ARHGEF12: variants seen among roughly 807,000 people sequenced by gnomAD.
The protein encoded by ARHGEF12 is Rho guanine nucleotide exchange factor 12, also known as KMT2A/ARHGEF12 fusion protein.
In ARHGEF12, 66 loss-of-function variants were observed where a neutral mutation model predicts 211.2. That is an observed-to-expected ratio of 0.31 (90% confidence interval 0.26 to 0.38). The LOEUF (loss-of-function observed/expected upper bound fraction) is 0.38. Ranked by LOEUF, ARHGEF12 falls within the 10% of genes least tolerant of loss-of-function variation. The pLI is 1.00. For synonymous variants in ARHGEF12, 592 were observed against 638.4 expected (o/e 0.93, Z 1.09); for missense variants, 1,429 against 1,869.5 (o/e 0.76, Z 4.34).
At chr11:120,340,520 T>C (rs1483786569) in intron 1 of ARHGEF12, among the ~76,000 whole-genome samples, 1 of 152,194 alleles carries the variant, frequency 6.6e-6, no homozygotes, top group Non-Finnish European at 1.5e-5. Flanking sequence ...TGGAAACCTG[T>C]GACTTTATAT....
rs190744997 is a variant in ARHGEF12 at position 120,471,444 on chromosome 11, A to T, written c.2956-1606A>T. On this transcript the variant is annotated intron_variant, in intron 30 of 40. Coordinates refer to ENST00000397843, the MANE Select transcript of ARHGEF12 (RefSeq NM_015313.3). ...AGGAAAAACCAGAAAACTGGTTCCC[A>T]TTGGGGATGAGGAGGTAGAAATTAA... 3.3e-5 allele frequency among the ~76,000 whole-genome samples: 5 copies of T among 152,320 alleles called. No individual in the cohort carries two copies. The East Asian group carries it at 5.8e-4, about 18-fold the overall frequency.
At chr11:120,484,015 A>G (rs947587940) in intron 39 of ARHGEF12, among the ~76,000 whole-genome samples, 1 of 152,038 alleles carries the variant, frequency 6.6e-6, no homozygotes, top group African/African-American at 2.4e-5. Flanking sequence ...TCGGCCTCCC[A>G]AAGTGCTGGG....
chr11:120,428,151 G>T lies in ARHGEF12; in HGVS notation c.489G>T (p.Pro163=), dbSNP rs753718908. The T allele has an allele frequency of 6.2e-7, 1 of 1,611,318 alleles. No homozygotes were observed. Among genetic ancestry groups the T allele is most frequent in the South Asian group, 1.1e-5 (1 of 90,072 alleles). Residue 163 remains proline (P), a synonymous_variant, in exon 8 of 41, where the codon CCG becomes CCT. Transcript: ENST00000397843. ...QIPLADSEVE[P]SVIGHMSPIM... ...CACTTGCCGACTCTGAAGTAGAGCC[G>T]TCAGTCATTGGACATATGTCTCCCA...
intron 20 of ARHGEF12, chr11:120,448,693 T>A (rs1201425133): frequency 6.7e-6 from 2 of 297,648 alleles, no homozygotes; most frequent in Non-Finnish European, 1.2e-5. Context: ...TAGAGTATTC[T>A]GTCAGTTTGT....
At position 120,351,186 on chromosome 11, in the gene ARHGEF12, A is replaced by G. The variant is rs181683718; in HGVS notation, c.32+13911A>G. Among the ~76,000 whole-genome samples, 71 of 150,852 alleles carry G rather than the reference A, an allele frequency of 4.7e-4. No individual in the cohort carries two copies. In the East Asian group the frequency reaches 4.8e-3, roughly 10 times the overall value. Reference sequence around the variant, plus strand: ...AACACGGTGAAACCCCGTCTCTACTAAAAATACAAAAAAAATTACCTGGGT... The same window carrying G: ...AACACGGTGAAACCCCGTCTCTACTGAAAATACAAAAAAAATTACCTGGGT... On this transcript the variant is annotated intron_variant, in intron 1 of 40. Transcript: ENST00000397843.
At chr11:120,446,108 G>A (rs1802799780) in intron 16 of ARHGEF12, among the ~76,000 whole-genome samples, 1 of 151,738 alleles carries the variant, frequency 6.6e-6, no homozygotes, top group Admixed American at 6.6e-5. Context: ...TGAGGCAGGA[G>A]AATGGCATGA....
intron 15 of ARHGEF12, among the ~76,000 whole-genome samples, chr11:120,443,539 T>C (rs1945947986): frequency 1.3e-5 from 2 of 152,248 alleles, no homozygotes. Context: ...CTCCAACTCC[T>C]GCCCCGTTTT....
At chr11:120,482,506 G>T (rs1947276718) in intron 39 of ARHGEF12, among the ~76,000 whole-genome samples, 2 of 152,100 alleles carry the variant, frequency 1.3e-5, no homozygotes, top group African/African-American at 4.8e-5. Context: ...CAGCACTTTG[G>T]GAGGCAAGGC....
At chr11:120,453,359 G>C (rs2135858955) in intron 22 of ARHGEF12, among the ~76,000 whole-genome samples, 1 of 152,292 alleles carries the variant, frequency 6.6e-6, no homozygotes, top group South Asian at 2.1e-4. Context: ...AAAGAAAGTA[G>C]AGGAAGGGAA....
At chr11:120,350,491 G>A (rs1314496841) in intron 1 of ARHGEF12, among the ~76,000 whole-genome samples, 3 of 150,638 alleles carry the variant, frequency 2.0e-5, no homozygotes, top group Admixed American at 6.6e-5. Context: ...CTCCAGCCTG[G>A]GTGACAGAGC....
intron 13 of ARHGEF12, 113 bp from the exon 14 acceptor site, chr11:120,441,594 A>G (rs1025338922): frequency 1.4e-6 from 1 of 735,988 alleles, no homozygotes; most frequent in Non-Finnish European, 2.1e-6. Context: ...TAAATCTTGA[A>G]TTTTTTATAG....
rs2135887648 is a variant in ARHGEF12 at position 120,458,062 on chromosome 11, ACT to A, written c.2226-15_2226-14del. On this transcript the variant is annotated splice_polypyrimidine_tract_variant and intron_variant, in intron 24 of 40. Coordinates refer to ENST00000397843, the MANE Select transcript of ARHGEF12 (RefSeq NM_015313.3). ...CACCTAAAGTCTTCAAATTGAATTCACTCTTTTTTCTTCATAGGTTTGACAGT... is the reference window on the plus strand; with the variant it reads ...CACCTAAAGTCTTCAAATTGAATTCACTTTTTTCTTCATAGGTTTGACAGT... 1.3e-6 allele frequency: 2 copies of A among 1,594,932 alleles called. No homozygotes were observed. Among genetic ancestry groups the A allele is most frequent in the East Asian group, 4.5e-5 (2 of 44,644 alleles).
At chr11:120,367,353 CTTTTTTTTTTTTT>C (rs1025919456) in intron 1 of ARHGEF12, among the ~76,000 whole-genome samples, 50 of 59,352 alleles carry the variant, frequency 8.4e-4, no homozygotes, top group South Asian at 1.8e-3. Flanking sequence ...ATACTTTTTC[CTTTTTTTTTTTTT>C]TTTTTTTTTT....
At chr11:120,427,980 A>G (rs1191768774) in intron 7 of ARHGEF12, 89 bp from the exon 8 acceptor site, 9 of 1,123,384 alleles carry the variant, frequency 8.0e-6, no homozygotes, top group African/African-American at 1.6e-5. Flanking sequence ...TTTTAGAACT[A>G]TCGAAGATTA....
Position 120,476,892 on chromosome 11 carries a change from T to C in ARHGEF12, c.3365+144T>C, listed in dbSNP as rs532275246. 22 of 643,638 alleles carry C rather than the reference T, an allele frequency of 3.4e-5. No individual in the cohort carries two copies. The East Asian group carries it at 6.1e-4, about 18-fold the overall frequency. The allele number at this position is 643,638 out of a possible 1,614,324, so 39.9% of individuals were successfully genotyped here. On this transcript the variant is annotated intron_variant, in intron 34 of 40. Coordinates refer to ENST00000397843, the MANE Select transcript of ARHGEF12 (RefSeq NM_015313.3). The stretch of plus-strand genomic sequence containing the variant: ...CTTTTAGAGACGTTCTACTATGAAC[T>C]TGTTCTTTTTTAGGTTGATGCCTTT...
rs1946977749 is a variant in ARHGEF12, at chr11:120,474,694, A to G, written c.3109+59A>G. ...AGTGGCAAAAGGGAAGGAATAGGAAAGTTTCCTATGACAAAGGGAAGAGGA... is the reference window on the plus strand; with the variant it reads ...AGTGGCAAAAGGGAAGGAATAGGAAGGTTTCCTATGACAAAGGGAAGAGGA... On this transcript the variant is annotated intron_variant, in intron 32 of 40. Transcript: ENST00000397843. 2 of 1,370,382 alleles carry G rather than the reference A, an allele frequency of 1.5e-6. 1 individual carries two copies. Among genetic ancestry groups the G allele is most frequent in the Admixed American group, 4.3e-5 (2 of 46,548 alleles). 84.9% of individuals were successfully genotyped at this position (1,370,382 alleles called of 1,614,324 possible).
chr11:120,476,786 T>C (rs1414760782), intron 34 of ARHGEF12, 38 bp downstream of exon 34: 1 of 1,469,526 alleles, frequency 6.8e-7, no homozygotes, highest in South Asian at 1.2e-5. Context: ...ATAGCTAATA[T>C]TTTCATTATC....
In ARHGEF12 at chr11:120,465,154, G is replaced by A. The variant is rs1946662207; in HGVS notation, c.2614-83G>A. On this transcript the variant is annotated intron_variant, in intron 27 of 40. Coordinates refer to ENST00000397843, the MANE Select transcript of ARHGEF12 (RefSeq NM_015313.3). Reference sequence around the variant, plus strand: ...ATTTTGTCACTTGAAATATTGAAAGGATTCTGGTTGTCTGTCACTTTGTCT... The same window carrying A: ...ATTTTGTCACTTGAAATATTGAAAGAATTCTGGTTGTCTGTCACTTTGTCT... 4 of 1,548,820 alleles carry A rather than the reference G, an allele frequency of 2.6e-6. No individual in the cohort carries two copies. In the South Asian group the frequency reaches 4.6e-5, roughly 18 times the overall value.
rs567614785 is a variant in ARHGEF12 at position 120,350,829 on chromosome 11, C to T, written c.32+13554C>T. ...TCACTACTTGAAGGAGAACCTCTTA[C>T]TCATTATCAGTCTCTTGGAAATAGC... On this transcript the variant is annotated intron_variant, in intron 1 of 40. Transcript: ENST00000397843. Among the ~76,000 whole-genome samples, 10 of 152,228 alleles carry T rather than the reference C, an allele frequency of 6.6e-5. No individual in the cohort carries two copies. The South Asian group carries it at 2.1e-3, about 32-fold the overall frequency.
Sources: allele counts gnomAD v4.1 joint callset (sites outside exome capture counted in the v4.1 genomes callset), GRCh38; gene constraint gnomAD v4.1.1; transcripts MANE v1.5; gene names NCBI Gene and HGNC (gene_info 2026-07-23, HGNC 2026-07-21).